PHACTR1: variants seen among roughly 807,000 people sequenced by gnomAD.
PHACTR1 encodes phosphatase and actin regulator 1.
Under a neutral mutation model 69.2 loss-of-function variants are expected in PHACTR1, and 16 were observed. The ratio of observed to expected loss-of-function variants is 0.23; its 90% CI spans 0.16 to 0.35. The LOEUF is 0.35. Among genes scored for constraint, PHACTR1 ranks in the 10% least tolerant of loss-of-function variants. The pLI is 1.00. For missense variants in PHACTR1, 510 were observed against 734.7 expected (o/e 0.69, Z 3.54); for synonymous variants, 312 against 284.5 (o/e 1.10, Z -0.97).
chr6:12,758,773 A>G lies in PHACTR1; in HGVS notation c.250+8983A>G, dbSNP rs1242532989. Among the ~76,000 whole-genome samples the G allele has an allele frequency of 3.3e-5, 5 of 152,144 alleles. No homozygotes were observed. In the East Asian group the frequency reaches 9.6e-4, roughly 29 times the overall value. Reference sequence around the variant, plus strand: ...TATGGGGTCACATTTAAAGCTGGACATTGCTAAAGGAAAGAAGAGATGGAA... The same window carrying G: ...TATGGGGTCACATTTAAAGCTGGACGTTGCTAAAGGAAAGAAGAGATGGAA... On this transcript the variant is annotated intron_variant, in intron 4 of 14. Coordinates refer to ENST00000332995, the MANE Select transcript of PHACTR1 (RefSeq NM_030948.6).
At chr6:13,215,487 G>T (rs1186810846) in intron 8 of PHACTR1, among the ~76,000 whole-genome samples, 3 of 152,202 alleles carry the variant, frequency 2.0e-5, no homozygotes, top group East Asian at 3.9e-4. Flanking sequence ...TCCAGATAGA[G>T]AATGAGGTTT....
intron 8 of PHACTR1, among the ~76,000 whole-genome samples, chr6:13,223,623 A>G (rs1011689448): frequency 6.6e-6 from 1 of 152,214 alleles, no homozygotes; most frequent in African/African-American, 2.4e-5. Context: ...TAAGTATCAC[A>G]GTTCAACTTT....
At chr6:13,107,132 T>A (rs767589158) in intron 5 of PHACTR1, among the ~76,000 whole-genome samples, 11 of 152,174 alleles carry the variant, frequency 7.2e-5, no homozygotes, top group Non-Finnish European at 1.2e-4. Flanking sequence ...TCTCTCACTC[T>A]TTCCAGACAG....
intron 10 of PHACTR1, among the ~76,000 whole-genome samples, chr6:13,259,246 T>C (rs1373665349): frequency 1.3e-5 from 2 of 152,332 alleles, no homozygotes; most frequent in East Asian, 3.9e-4. Context: ...ATGGGGTTTA[T>C]GTCCAATAAT....
intron 4 of PHACTR1, among the ~76,000 whole-genome samples, chr6:12,954,923 A>G (rs1582677221): frequency 6.6e-6 from 1 of 152,336 alleles, no homozygotes; most frequent in East Asian, 1.9e-4. Flanking sequence ...TGTGATAACC[A>G]CTAACCACAT....
chr6:12,977,594 G>T (rs779373065), intron 4 of PHACTR1, among the ~76,000 whole-genome samples: 6 of 152,182 alleles, frequency 3.9e-5, no homozygotes, highest in Non-Finnish European at 5.9e-5. Context: ...AAGGATTTGT[G>T]TGAATCATTT....
chr6:12,874,230 G>A (rs1332029256), intron 4 of PHACTR1, among the ~76,000 whole-genome samples: 1 of 152,138 alleles, frequency 6.6e-6, no homozygotes, highest in Non-Finnish European at 1.5e-5. Flanking sequence ...AGTGTTGCTA[G>A]ATGGCTTGAC....
At chr6:13,098,827 A>G (rs1814687762) in intron 5 of PHACTR1, among the ~76,000 whole-genome samples, 1 of 152,166 alleles carries the variant, frequency 6.6e-6, no homozygotes, top group African/African-American at 2.4e-5. Flanking sequence ...AGGCTATCCA[A>G]TAAGATAGCT....
At chr6:13,195,612 G>A (rs987202307) in intron 7 of PHACTR1, among the ~76,000 whole-genome samples, 2 of 151,984 alleles carry the variant, frequency 1.3e-5, no homozygotes, top group Admixed American at 6.6e-5. Flanking sequence ...ACAAAAATTA[G>A]CTGGGCGTTG....
chr6:13,052,298 C>T (rs918105643), intron 4 of PHACTR1, among the ~76,000 whole-genome samples: 1 of 152,226 alleles, frequency 6.6e-6, no homozygotes, highest in Non-Finnish European at 1.5e-5. Flanking sequence ...CAGACCACAA[C>T]AAGCTGACTA....
intron 4 of PHACTR1, among the ~76,000 whole-genome samples, chr6:13,030,745 TACAA>T (rs1802346033): frequency 6.6e-6 from 1 of 152,248 alleles, no homozygotes; most frequent in South Asian, 2.1e-4. Context: ...GAATACTCAT[TACAA>T]ACACTCATTC....
At position 13,149,578 on chromosome 6, in the gene PHACTR1, G is replaced by A. The variant is rs143963693; in HGVS notation, c.416-10626G>A. The stretch of plus-strand genomic sequence containing the variant: ...GTTTACACAAGTAGAGTGGTTGGGC[G>A]TCTGTGTTGGAAATGAGGGATTTTG... On this transcript the variant is annotated intron_variant, in intron 5 of 14. Coordinates refer to ENST00000332995, the MANE Select transcript of PHACTR1 (RefSeq NM_030948.6). Among the ~76,000 whole-genome samples, 387 of 152,264 alleles carry A rather than the reference G, an allele frequency of 2.5e-3. 3 individuals are homozygous for A. The highest frequency in any genetic ancestry group is 9.0e-3 in the African/African-American group (374 of 41,530).
At chr6:12,829,267 A>G (rs2127723990) in intron 4 of PHACTR1, among the ~76,000 whole-genome samples, 1 of 152,304 alleles carries the variant, frequency 6.6e-6, no homozygotes, top group African/African-American at 2.4e-5. Flanking sequence ...AAGAGAGAAA[A>G]ACAACAGCAT....
At chr6:12,725,914 T>A (rs974471555) in intron 3 of PHACTR1, among the ~76,000 whole-genome samples, 7 of 152,168 alleles carry the variant, frequency 4.6e-5, no homozygotes, top group Admixed American at 4.6e-4. Flanking sequence ...TTTTTATGGG[T>A]ACATAGTATA....
At chr6:13,177,768 G>T (rs1298077373) in intron 6 of PHACTR1, among the ~76,000 whole-genome samples, 2 of 152,118 alleles carry the variant, frequency 1.3e-5, no homozygotes, top group East Asian at 3.9e-4. Context: ...TATGGGAGGA[G>T]CGGCAGGCTG....
chr6:12,970,705 G>A (rs1281381923), intron 4 of PHACTR1, among the ~76,000 whole-genome samples: 1 of 152,164 alleles, frequency 6.6e-6, no homozygotes, highest in African/African-American at 2.4e-5. Flanking sequence ...GCAGTGAGCC[G>A]AAATCTCACC....
rs35114287 is a variant in PHACTR1, at chr6:13,211,907, C to T, written c.986+5771C>T. 5.5e-3 allele frequency among the ~76,000 whole-genome samples: 831 copies of T among 152,284 alleles called. 9 individuals are homozygous for T. The highest frequency in any genetic ancestry group is 0.018 in the African/African-American group (739 of 41,564). On this transcript the variant is annotated intron_variant, in intron 8 of 14. Coordinates refer to ENST00000332995, the MANE Select transcript of PHACTR1 (RefSeq NM_030948.6). ...GACTGTCTTTGTCTGCAAGGACTGC[C>T]ATTTAAAAACACACACACACACACA...
intron 4 of PHACTR1, among the ~76,000 whole-genome samples, chr6:13,035,029 T>C (rs1055825309): frequency 1.3e-5 from 2 of 152,232 alleles, no homozygotes; most frequent in Non-Finnish European, 2.9e-5. Context: ...ATAAATGCCT[T>C]AAAGCCTTCA....
At chr6:12,938,847 A>G (rs1582595782) in intron 4 of PHACTR1, among the ~76,000 whole-genome samples, 2 of 152,002 alleles carry the variant, frequency 1.3e-5, no homozygotes, top group East Asian at 3.9e-4. Context: ...CACTTGGCCT[A>G]ATTATTTTCT....
Sources: allele counts gnomAD v4.1 joint callset (sites outside exome capture counted in the v4.1 genomes callset), GRCh38; gene constraint gnomAD v4.1.1; transcripts MANE v1.5; gene names NCBI Gene and HGNC (gene_info 2026-07-23, HGNC 2026-07-21).